The following OSBPL9 variants were observed in gnomAD, a reference collection of about 807,000 sequenced individuals.
The protein encoded by OSBPL9 is oxysterol-binding protein-related protein 9.
In OSBPL9, 40 loss-of-function variants were observed where a neutral mutation model predicts 106.6. The observed-to-expected ratio is 0.38, with a 90% CI of 0.29 to 0.49. OSBPL9 has a LOEUF of 0.49. OSBPL9 is among the 20% of genes least tolerant of loss of function. The probability of loss-of-function intolerance (pLI) is 0.97; values close to 1 mark genes in which losing one functional copy is unlikely to be tolerated. For synonymous variants in OSBPL9, 269 were observed against 295.4 expected, an observed-to-expected ratio of 0.91 and a Z score of 0.92; for missense variants, 609 against 887.2, an observed-to-expected ratio of 0.69 and a Z score of 3.98.
chr1:51,602,018 C>CTTTTTTTTTTTTT (rs758760414), intron 2 of OSBPL9, among the ~76,000 whole-genome samples: 2,584 of 76,378 alleles, frequency 0.034, 435 homozygotes, highest in East Asian at 0.05. Context: ...TCTTGGGGTT[C>CTTTTTTTTTTTTT]TTTTTTTTTT....
At position 51,746,721 on chromosome 1, in the gene OSBPL9, C is replaced by T; in HGVS notation, c.426C>T (p.Asp142=). 1 of 1,608,618 alleles carries T rather than the reference C, an allele frequency of 6.2e-7. No homozygotes were observed. Among genetic ancestry groups the T allele is most frequent in the Non-Finnish European group, 8.5e-7 (1 of 1,177,544 alleles). The change falls in exon 6 of 24, where the codon GAC becomes GAT. Residue 142 remains aspartate (D), a synonymous_variant. Coordinates refer to ENST00000428468, the MANE Select transcript of OSBPL9 (RefSeq NM_024586.6). ...ILIEQLKLFD[D]KLQNCKEDEQ... ...TTAAAATCTTGTAGCTTTTTGATGA[C>T]AAGCTTCAAAACTGCAAAGAAGATG...
intron 1 of OSBPL9, among the ~76,000 whole-genome samples, chr1:51,636,826 T>C (rs78515902): frequency 0.012 from 1,814 of 151,800 alleles, 38 homozygotes; most frequent in African/African-American, 0.042. Flanking sequence ...AAAATTGTCA[T>C]TTCCAAAACA....
At chr1:51,750,928 T>G (rs1374332613) in intron 8 of OSBPL9, among the ~76,000 whole-genome samples, 2 of 152,228 alleles carry the variant, frequency 1.3e-5, no homozygotes, top group Non-Finnish European at 2.9e-5. Flanking sequence ...CTCTTTTACT[T>G]CTTCAGTTGC....
chr1:51,690,505 G>T (rs991484648), intron 3 of OSBPL9, among the ~76,000 whole-genome samples: 47 of 152,190 alleles, frequency 3.1e-4, no homozygotes, highest in Admixed American at 1.8e-3. Flanking sequence ...ATTGTTGAAA[G>T]ATCCAATTGT....
upstream of OSBPL9, among the ~76,000 whole-genome samples, chr1:51,573,364 C>T (rs1428176715): frequency 2.0e-5 from 3 of 148,828 alleles, no homozygotes; most frequent in Admixed American, 6.7e-5. Context: ...CAAAATTAGC[C>T]GGGCATGGTA....
intron 1 of OSBPL9, among the ~76,000 whole-genome samples, chr1:51,597,489 GTA>G (rs752539519): frequency 3.5e-4 from 51 of 145,172 alleles, no homozygotes; most frequent in Admixed American, 1.1e-3. Context: ...AGGATAGATT[GTA>G]TATATATATA....
intron 3 of OSBPL9, among the ~76,000 whole-genome samples, chr1:51,674,491 T>A (rs1382241279): frequency 6.6e-6 from 1 of 152,172 alleles, no homozygotes; most frequent in Admixed American, 6.5e-5. Flanking sequence ...GGACCTCTTA[T>A]GTTTAAGGTG....
intron 22 of OSBPL9, 105 bp downstream of exon 22, chr1:51,786,722 A>G (rs1206178827): frequency 2.4e-6 from 2 of 834,752 alleles, no homozygotes; most frequent in East Asian, 2.8e-5. Context: ...GCATAATAGT[A>G]TAGACCAAGT....
At chr1:51,733,843 A>G (rs571376412) in intron 4 of OSBPL9, among the ~76,000 whole-genome samples, 186 of 152,126 alleles carry the variant, frequency 1.2e-3, no homozygotes, top group African/African-American at 4.3e-3. Flanking sequence ...AATCTATAGG[A>G]CCTCTAACAT....
chr1:51,655,503 A>G (rs1646765246), intron 2 of OSBPL9, among the ~76,000 whole-genome samples: 1 of 152,194 alleles, frequency 6.6e-6, no homozygotes. Context: ...CTGCTTTTAA[A>G]AGACCTCATG....
intron 12 of OSBPL9, among the ~76,000 whole-genome samples, chr1:51,769,474 G>A (rs766246367): frequency 4.6e-5 from 7 of 152,134 alleles, no homozygotes; most frequent in Admixed American, 1.3e-4. Context: ...ACCTCCGAGC[G>A]TCTGTGTATT....
chr1:51,771,408 T>A (rs1432090545), intron 12 of OSBPL9, among the ~76,000 whole-genome samples: 1 of 152,082 alleles, frequency 6.6e-6, no homozygotes, highest in Non-Finnish European at 1.5e-5. Context: ...GGTGGGAGGA[T>A]CACTTGAGGC....
At chr1:51,599,508 A>C (rs958410023) in intron 2 of OSBPL9, among the ~76,000 whole-genome samples, 1 of 152,116 alleles carries the variant, frequency 6.6e-6, no homozygotes, top group Non-Finnish European at 1.5e-5. Context: ...TATTATATAC[A>C]TATTTATATT....
chr1:51,544,290 C>A, the OSBPL9 span, among the ~76,000 whole-genome samples: 2 of 152,046 alleles, frequency 1.3e-5, no homozygotes, highest in Non-Finnish European at 2.9e-5. Context: ...GAACCAGGAG[C>A]TTGACAGTTC....
At chr1:51,771,923 A>C (rs1673992127) in intron 12 of OSBPL9, 147 bp from the exon 13 acceptor site, 8 of 579,714 alleles carry the variant, frequency 1.4e-5, no homozygotes, top group Non-Finnish European at 2.4e-5. Flanking sequence ...CATCCTGTGC[A>C]TAAAGGATAA....
intron 2 of OSBPL9, among the ~76,000 whole-genome samples, chr1:51,611,621 T>C (rs1643988455): frequency 6.6e-6 from 1 of 152,168 alleles, no homozygotes. Context: ...TAAACAGCTG[T>C]GTAAAGGAAG....
the OSBPL9 span, among the ~76,000 whole-genome samples, chr1:51,538,382 T>G: frequency 6.6e-6 from 1 of 152,190 alleles, no homozygotes; most frequent in Admixed American, 6.5e-5. Context: ...CTAAACAGGG[T>G]TCAAGATTTG....
intron 1 of OSBPL9, among the ~76,000 whole-genome samples, chr1:51,584,596 A>G (rs1459389245): frequency 6.6e-6 from 1 of 152,098 alleles, no homozygotes; most frequent in East Asian, 1.9e-4. Context: ...GGTGCCTGTA[A>G]TCCCAGCTAC....
intron 3 of OSBPL9, among the ~76,000 whole-genome samples, chr1:51,686,881 A>G (rs775795469): frequency 2.0e-4 from 31 of 152,190 alleles, no homozygotes; most frequent in Non-Finnish European, 3.8e-4. Flanking sequence ...ACAAACCAAT[A>G]TGTTTTCTCA....
Sources: gnomAD v4.1 joint callset for allele counts (sites outside exome capture counted in the v4.1 genomes callset) on GRCh38, gnomAD v4.1.1 for gene constraint, MANE v1.5 for transcripts, NCBI Gene and HGNC (gene_info 2026-07-23, HGNC 2026-07-21) for gene names.